RNFT2: variants seen among roughly 807,000 people sequenced by gnomAD.
The protein encoded by RNFT2 is ring finger protein, transmembrane 2, also known as E3 ubiquitin-protein ligase RNFT2.
A neutral mutation model predicts 53.0 loss-of-function variants in RNFT2; 36 were observed. That is an observed-to-expected ratio of 0.68 (90% CI 0.52 to 0.90). RNFT2 has a LOEUF of 0.90. RNFT2 is among the 40% of genes least tolerant of loss of function. The pLI is 0.00. For missense variants in RNFT2, 514 were observed against 585.6 expected, an observed-to-expected ratio of 0.88 and a Z score of 1.26; for synonymous variants, 260 against 253.2, an observed-to-expected ratio of 1.03 and a Z score of -0.26.
At chr12:116,829,299 C>T (rs2137194807) in intron 7 of RNFT2, among the ~76,000 whole-genome samples, 1 of 152,266 alleles carries the variant, frequency 6.6e-6, no homozygotes, top group South Asian at 2.1e-4. Context: ...CCATGTAAAA[C>T]AAACATGACG....
intron 3 of RNFT2, among the ~76,000 whole-genome samples, chr12:116,747,513 TGAGACCCCC>T (rs1177191778): frequency 6.6e-6 from 1 of 151,668 alleles, no homozygotes; most frequent in African/African-American, 2.4e-5. Context: ...GGCAACAGAG[TGAGACCCCC>T]GTCTCACTCT....
At position 116,837,932 on chromosome 12, in the gene RNFT2, A is replaced by G. The variant is rs1299205035; in HGVS notation, c.1200+1650A>G. Among the ~76,000 whole-genome samples, 25 of 152,348 alleles carry G rather than the reference A, an allele frequency of 1.6e-4. No homozygotes were observed. The East Asian group carries it at 3.5e-3, about 21-fold the overall frequency. On this transcript the variant is annotated intron_variant, in intron 10 of 10. Transcript: ENST00000257575. ...TTCCAAAATAAAAAGTTTACTTTAA[A>G]AAAAATCTTTGAAAGATATAAAAAG...
At chr12:116,807,958 A>G (rs535292972) in intron 7 of RNFT2, among the ~76,000 whole-genome samples, 36 of 151,912 alleles carry the variant, frequency 2.4e-4, no homozygotes, top group African/African-American at 8.2e-4. Context: ...TGTGCACCAC[A>G]CTCAGCTAAT....
At position 116,852,988 on chromosome 12, in the gene RNFT2, G is replaced by C. The variant is rs920614039; in HGVS notation, c.*3540G>C. ...TAACACTGTAAAGAATGTAACATGT[G>C]GGGGACACACAGGGGCAGATGGGAT... On this transcript the variant is annotated 3_prime_UTR_variant, in exon 11 of 11. Transcript: ENST00000257575. 7 of 514,520 alleles carry C rather than the reference G, an allele frequency of 1.4e-5. No individual in the cohort carries two copies. The highest frequency in any genetic ancestry group is 3.9e-5 in the African/African-American group (2 of 51,858). The allele number at this position is 514,520 out of a possible 1,614,324, so 31.9% of individuals were successfully genotyped here. A position where few individuals can be genotyped will look rare whatever the true frequency, so the allele number is the denominator to read the frequency against.
chr12:116,795,423 AG>A (rs1206673973), intron 7 of RNFT2, among the ~76,000 whole-genome samples: 1 of 151,706 alleles, frequency 6.6e-6, no homozygotes, highest in African/African-American at 2.4e-5. Flanking sequence ...AAAAAAAAAA[AG>A]AAAGAAGAAA....
chr12:116,796,800 A>G (rs1874523665), intron 7 of RNFT2, among the ~76,000 whole-genome samples: 1 of 152,184 alleles, frequency 6.6e-6, no homozygotes, highest in Non-Finnish European at 1.5e-5. Context: ...TTTTGGCTGC[A>G]TAACATTCTG....
At chr12:116,760,918 G>A (rs188089061) in intron 5 of RNFT2, among the ~76,000 whole-genome samples, 11 of 152,198 alleles carry the variant, frequency 7.2e-5, no homozygotes, top group South Asian at 2.1e-4. Context: ...TTGCTCTGTT[G>A]TCCAGGCTGC....
intron 8 of RNFT2, among the ~76,000 whole-genome samples, chr12:116,835,481 T>G (rs1876912456): frequency 6.6e-6 from 1 of 152,222 alleles, no homozygotes; most frequent in Admixed American, 6.5e-5. Context: ...CATTTCTGGC[T>G]TTAGAGAATC....
Position 116,841,976 on chromosome 12 carries a change from GA to G in RNFT2, c.1200+5695del, listed in dbSNP as rs1565876323. Among the ~76,000 whole-genome samples the G allele has an allele frequency of 6.4e-4, 87 of 135,100 alleles. 4 individuals carry two copies. Among genetic ancestry groups the G allele is most frequent in the African/African-American group, 2.2e-3 (77 of 35,812 alleles). The allele number at this position is 135,100 out of a possible 152,430, so 88.6% of individuals were successfully genotyped here. On this transcript the variant is annotated intron_variant, in intron 10 of 10. Transcript: ENST00000257575. ...ATATATATAGAGAGAGAGAGAGAGA[GA>G]GAGAGAGAGGGAGGATCCAGGTACA...
chr12:116,763,803 A>G (rs866982269), intron 5 of RNFT2, among the ~76,000 whole-genome samples: 3 of 142,470 alleles, frequency 2.1e-5, no homozygotes, highest in Admixed American at 1.4e-4. Flanking sequence ...GCGGGGGGGG[A>G]AAGAACTAAA....
chr12:116,780,460 C>T (rs1197973279), intron 7 of RNFT2, among the ~76,000 whole-genome samples: 7 of 152,056 alleles, frequency 4.6e-5, no homozygotes, highest in Admixed American at 3.9e-4. Flanking sequence ...TGATGGGAGG[C>T]GGAGCTCAGG....
At chr12:116,761,290 A>G (rs1872683888) in intron 5 of RNFT2, among the ~76,000 whole-genome samples, 1 of 152,162 alleles carries the variant, frequency 6.6e-6, no homozygotes, top group African/African-American at 2.4e-5. Context: ...CTGGGACTAC[A>G]GACACACACC....
rs1431277083 is a variant in RNFT2, at chr12:116,831,825, A to G, written c.883-1967A>G. On this transcript the variant is annotated intron_variant, in intron 7 of 10. Transcript: ENST00000257575. The stretch of plus-strand genomic sequence containing the variant: ...ATGTATCCCCCATCCCAATCAAGAT[A>G]TAAAATATTTCATATTTCTAGGCCA... 2.6e-5 allele frequency among the ~76,000 whole-genome samples: 4 copies of G among 152,102 alleles called. No individual in the cohort carries two copies. In the East Asian group the frequency reaches 7.7e-4, roughly 29 times the overall value.
At chr12:116,747,695 G>T (rs1319833987) in intron 3 of RNFT2, among the ~76,000 whole-genome samples, 2 of 152,132 alleles carry the variant, frequency 1.3e-5, no homozygotes, top group African/African-American at 4.8e-5. Context: ...TCCAGAGGAT[G>T]AATGAAGCCC....
At chr12:116,795,463 C>T (rs1284419528) in intron 7 of RNFT2, among the ~76,000 whole-genome samples, 3 of 151,894 alleles carry the variant, frequency 2.0e-5, no homozygotes, top group Admixed American at 1.3e-4. Context: ...GCCCAAGATC[C>T]GGGAACTGCG....
intron 10 of RNFT2, among the ~76,000 whole-genome samples, chr12:116,846,225 T>C (rs925754886): frequency 1.4e-4 from 21 of 152,214 alleles, no homozygotes; most frequent in African/African-American, 4.6e-4. Flanking sequence ...CTAATAGTTA[T>C]AGAGCACTTA....
In RNFT2 at chr12:116,782,798, T is replaced by C. The variant is rs552218057; in HGVS notation, c.882+3450T>C. 1.7e-3 allele frequency among the ~76,000 whole-genome samples: 258 copies of C among 152,238 alleles called. 11 individuals carry two copies. In the South Asian group the frequency reaches 0.053, roughly 31 times the overall value. ...ACACACAGTTCCTATCACAGGCAGC[T>C]CCTCCAGACAGCTTTCTATCCAGGT... On this transcript the variant is annotated intron_variant, in intron 7 of 10. Transcript: ENST00000257575.
chr12:116,774,932 G>A (rs942503399), intron 6 of RNFT2, among the ~76,000 whole-genome samples: 1 of 149,480 alleles, frequency 6.7e-6, no homozygotes, highest in Non-Finnish European at 1.5e-5. Context: ...CTGGTGCACA[G>A]AAAGAGAGAG....
At chr12:116,800,009 G>A (rs1427789739) in intron 7 of RNFT2, among the ~76,000 whole-genome samples, 2 of 152,074 alleles carry the variant, frequency 1.3e-5, no homozygotes, top group African/African-American at 4.8e-5. Flanking sequence ...GTTCATGCAC[G>A]ATCTGACTGT....
Sources: allele counts gnomAD v4.1 joint callset (sites outside exome capture counted in the v4.1 genomes callset), GRCh38; gene constraint gnomAD v4.1.1; transcripts MANE v1.5; gene names NCBI Gene and HGNC (gene_info 2026-07-23, HGNC 2026-07-21).